PRKG1: variants seen among roughly 807,000 people sequenced by gnomAD.
PRKG1 encodes the protein cGMP-dependent protein kinase 1.
A neutral mutation model predicts 88.1 loss-of-function variants in PRKG1; 35 were observed. That is an observed-to-expected ratio of 0.40 (90% CI 0.30 to 0.53). The LOEUF is 0.53. PRKG1 is among the 20% of genes least tolerant of loss of function. The pLI is 0.59. For synonymous variants in PRKG1, 303 were observed against 292.5 expected, an observed-to-expected ratio of 1.04 and a Z score of -0.37; for missense variants, 540 against 839.8, an observed-to-expected ratio of 0.64 and a Z score of 4.41.
Position 51,507,151 on chromosome 10 carries a change from T to C in PRKG1, c.592+39315T>C, listed in dbSNP as rs527376697. Among the ~76,000 whole-genome samples, 9 of 84,424 alleles carry C rather than the reference T, an allele frequency of 1.1e-4. No homozygotes were observed. In the East Asian group the frequency reaches 2.8e-3, roughly 27 times the overall value. 55.4% of individuals were successfully genotyped at this position (84,424 alleles called of 152,430 possible). A position where few individuals can be genotyped will look rare whatever the true frequency, so the allele number is the denominator to read the frequency against. On this transcript the variant is annotated intron_variant, in intron 3 of 17. Coordinates refer to ENST00000373980, the MANE Select transcript of PRKG1 (RefSeq NM_006258.4). ...GAACATCACACACCTCGGCCTGTTG[T>C]GGAGTAGGGGGAGGGGGGAGGGATA...
intron 9 of PRKG1, among the ~76,000 whole-genome samples, chr10:52,210,494 T>G (rs976646542): frequency 3.3e-5 from 5 of 152,172 alleles, no homozygotes; most frequent in African/African-American, 1.2e-4. Context: ...TCTGCTCGTT[T>G]CTTTTATAAC....
intron 2 of PRKG1, among the ~76,000 whole-genome samples, chr10:51,156,686 CA>C (rs1234337594): frequency 6.6e-6 from 1 of 151,930 alleles, no homozygotes; most frequent in Non-Finnish European, 1.5e-5. Context: ...GTAACTTTAG[CA>C]GATCTTGTGC....
chr10:51,043,990 T>C (rs1174535663), intron 1 of PRKG1, among the ~76,000 whole-genome samples: 1 of 152,180 alleles, frequency 6.6e-6, no homozygotes, highest in Non-Finnish European at 1.5e-5. Context: ...TACTAACTCA[T>C]TGAATCCTCA....
intron 4 of PRKG1, among the ~76,000 whole-genome samples, chr10:51,899,773 C>T (rs1345760405): frequency 6.7e-6 from 1 of 150,288 alleles, no homozygotes; most frequent in Non-Finnish European, 1.5e-5. Flanking sequence ...TGTGTGGCCC[C>T]CTCCCAATCT....
At chr10:51,099,570 C>A (rs1252866027) in intron 1 of PRKG1, among the ~76,000 whole-genome samples, 1 of 151,956 alleles carries the variant, frequency 6.6e-6, no homozygotes, top group East Asian at 1.9e-4. Context: ...AAATACTTGA[C>A]CTGAGGGAAA....
intron 3 of PRKG1, among the ~76,000 whole-genome samples, chr10:51,566,913 CACAT>C (rs1837619928): frequency 6.8e-6 from 1 of 147,932 alleles, no homozygotes; most frequent in Admixed American, 6.7e-5. Flanking sequence ...AATATATAGA[CACAT>C]ACACACACAT....
At chr10:51,236,508 C>CT (rs200767015) in intron 2 of PRKG1, among the ~76,000 whole-genome samples, 8,814 of 138,354 alleles carry the variant, frequency 0.064, 460 homozygotes, top group African/African-American at 0.15. Context: ...AAACCAGGTT[C>CT]TTTTTTTTTT....
rs147942560 is a variant in PRKG1 at position 51,467,700 on chromosome 10, T to A, written c.479-23T>A. On this transcript the variant is annotated intron_variant, in intron 2 of 17. Coordinates refer to ENST00000373980, the MANE Select transcript of PRKG1 (RefSeq NM_006258.4). ...AGCATGAGAAATAATTTATATAACA[T>A]GTTTTTCCCTCCTCCTTTTTAGATG... The A allele has an allele frequency of 5.2e-6, 8 of 1,536,456 alleles. No individual in the cohort carries two copies. In the East Asian group the frequency reaches 1.6e-4, roughly 30 times the overall value.
chr10:51,364,467 C>T (rs1488528132), intron 2 of PRKG1, among the ~76,000 whole-genome samples: 1 of 151,936 alleles, frequency 6.6e-6, no homozygotes, highest in East Asian at 1.9e-4. Context: ...TTTCCAACAT[C>T]CACTAAGATC....
At chr10:52,164,613 AAG>A (rs1838379591) in intron 9 of PRKG1, among the ~76,000 whole-genome samples, 1 of 152,138 alleles carries the variant, frequency 6.6e-6, no homozygotes, top group African/African-American at 2.4e-5. Flanking sequence ...ATTTGATTAA[AAG>A]AGAATTCAAT....
chr10:51,467,176 T>C (rs1346099280), intron 2 of PRKG1, among the ~76,000 whole-genome samples: 1 of 152,022 alleles, frequency 6.6e-6, no homozygotes, highest in Non-Finnish European at 1.5e-5. Flanking sequence ...CCCTTGTAGT[T>C]TGTTTTTTCC....
chr10:51,733,429 T>C (rs1837171442), intron 3 of PRKG1, among the ~76,000 whole-genome samples: 2 of 152,198 alleles, frequency 1.3e-5, no homozygotes, highest in Non-Finnish European at 2.9e-5. Context: ...CACCAACTAA[T>C]AGGAACGTCT....
At chr10:52,293,160 A>G (rs1319645250) in intron 17 of PRKG1, among the ~76,000 whole-genome samples, 3 of 150,512 alleles carry the variant, frequency 2.0e-5, no homozygotes, top group South Asian at 2.1e-4. Flanking sequence ...TCCCATTCAC[A>G]ATTGCTTCAA....
rs918869046 is a variant in PRKG1, at chr10:52,054,406, G to A, written c.763-78G>A. On this transcript the variant is annotated intron_variant, in intron 5 of 17. Transcript: ENST00000373980. ...CATTAGGATGAATATATCCCTGGGG[G>A]TTGATATTTGAAGAGGCTGAGCTGT... 7 of 1,007,040 alleles carry A rather than the reference G, an allele frequency of 7.0e-6. No homozygotes were observed. The African/African-American group carries it at 8.0e-5, about 11-fold the overall frequency. The allele number at this position is 1,007,040 out of a possible 1,614,324, so 62.4% of individuals were successfully genotyped here.
intron 2 of PRKG1, among the ~76,000 whole-genome samples, chr10:51,320,992 G>C (rs747581276): frequency 6.6e-6 from 1 of 152,112 alleles, no homozygotes; most frequent in Non-Finnish European, 1.5e-5. Flanking sequence ...CTAGGAAGCA[G>C]ATAAGGTCAG....
chr10:51,808,758 T>C (rs1839373815), intron 4 of PRKG1, among the ~76,000 whole-genome samples: 1 of 152,194 alleles, frequency 6.6e-6, no homozygotes, highest in African/African-American at 2.4e-5. Flanking sequence ...TTTTCTGTTA[T>C]AGATATCTTA....
chr10:51,984,304 G>A (rs937863394), intron 5 of PRKG1, among the ~76,000 whole-genome samples: 3 of 152,154 alleles, frequency 2.0e-5, no homozygotes, highest in Non-Finnish European at 4.4e-5. Context: ...ATTGGCCAGT[G>A]TTATTACTTA....
chr10:51,174,938 A>T (rs1425994970), intron 2 of PRKG1, among the ~76,000 whole-genome samples: 2 of 152,030 alleles, frequency 1.3e-5, no homozygotes, highest in African/African-American at 4.8e-5. Flanking sequence ...TCCTCACAGT[A>T]ACATGCTCTG....
intron 5 of PRKG1, among the ~76,000 whole-genome samples, chr10:51,929,240 T>C (rs1290827007): frequency 2.0e-5 from 3 of 152,084 alleles, no homozygotes; most frequent in Admixed American, 6.6e-5. Context: ...CTTAACACTA[T>C]ATCATTTTTC....
Sources: allele counts gnomAD v4.1 joint callset (sites outside exome capture counted in the v4.1 genomes callset), GRCh38; gene constraint gnomAD v4.1.1; transcripts MANE v1.5; gene names NCBI Gene and HGNC (gene_info 2026-07-23, HGNC 2026-07-21).